LRRC4C: variants seen among roughly 807,000 people sequenced by gnomAD.
LRRC4C encodes the protein leucine-rich repeat-containing protein 4C.
LRRC4C carries 5 observed loss-of-function variants against 33.6 expected under a neutral mutation model. That is an observed-to-expected ratio of 0.15 (90% CI 0.08 to 0.31). LRRC4C has a LOEUF of 0.31. Ranked by LOEUF, LRRC4C falls within the 10% of genes least tolerant of loss-of-function variation. The pLI, the probability that LRRC4C is intolerant of heterozygous loss-of-function variation, is 1.00. For synonymous variants in LRRC4C, 329 were observed against 302.0 expected, an observed-to-expected ratio of 1.09 and a Z score of -0.93; for missense variants, 560 against 796.7, an observed-to-expected ratio of 0.70 and a Z score of 3.58.
chr11:40,491,319 T>C (rs1369681689), intron 3 of LRRC4C, among the ~76,000 whole-genome samples: 2 of 152,108 alleles, frequency 1.3e-5, no homozygotes, highest in African/African-American at 2.4e-5. Flanking sequence ...AGAAGCCATG[T>C]TGATTAGCTT....
At position 40,536,492 on chromosome 11, in the gene LRRC4C, CCAAA is replaced by C. The variant is rs200893604; in HGVS notation, c.-270+111646_-270+111649del. Among the ~76,000 whole-genome samples the C allele has an allele frequency of 9.8e-3, 1,485 of 152,182 alleles. 17 individuals are homozygous for C. The highest frequency in any genetic ancestry group is 0.03 in the African/African-American group (1,256 of 41,548). On this transcript the variant is annotated intron_variant, in intron 3 of 6. Coordinates refer to ENST00000528697, the MANE Select transcript of LRRC4C (RefSeq NM_001258419.2). ...CAGGCGTGAGCCACCGTGCCCGGCC[CCAAA>C]CAGTCTGTTTTAACAAGTCTTTTAG...
rs565138382 is a variant in LRRC4C at position 40,290,329 on chromosome 11, T to C, written c.-176+29299A>G. Among the ~76,000 whole-genome samples, 5 of 152,264 alleles carry C rather than the reference T, an allele frequency of 3.3e-5. No homozygotes were observed. The East Asian group carries it at 5.8e-4, about 18-fold the overall frequency. On this transcript the variant is annotated intron_variant, in intron 4 of 6. Transcript: ENST00000528697. Reference sequence around the variant, plus strand: ...AAAAGTGCAGAGAACTATGAAAATATATGCACAAGCCTATGGGGATTTCAG... The same window carrying C: ...AAAAGTGCAGAGAACTATGAAAATACATGCACAAGCCTATGGGGATTTCAG...
intron 1 of LRRC4C, among the ~76,000 whole-genome samples, chr11:41,252,979 T>G (rs975729925): frequency 6.6e-6 from 1 of 152,142 alleles, no homozygotes; most frequent in Admixed American, 6.5e-5. Context: ...CAATTCAAGA[T>G]GAGACTTGGA....
At chr11:40,387,176 A>G (rs1228012495) in intron 3 of LRRC4C, among the ~76,000 whole-genome samples, 1 of 152,106 alleles carries the variant, frequency 6.6e-6, no homozygotes, top group Non-Finnish European at 1.5e-5. Context: ...CCTCATATTT[A>G]TTTTCATATC....
chr11:41,299,625 T>C (rs1046874427), intron 1 of LRRC4C, among the ~76,000 whole-genome samples: 3 of 152,160 alleles, frequency 2.0e-5, no homozygotes, highest in African/African-American at 7.2e-5. Flanking sequence ...AGTGAATTTA[T>C]GATCCATCAT....
At chr11:41,455,888 G>A (rs963123290) in intron 1 of LRRC4C, among the ~76,000 whole-genome samples, 1 of 151,976 alleles carries the variant, frequency 6.6e-6, no homozygotes, top group Non-Finnish European at 1.5e-5. Flanking sequence ...CAATCCAGAG[G>A]GTTTTTTTCT....
intron 5 of LRRC4C, among the ~76,000 whole-genome samples, chr11:40,232,614 A>G (rs1355036911): frequency 2.0e-5 from 3 of 152,200 alleles, no homozygotes; most frequent in East Asian, 1.9e-4. Flanking sequence ...TGTTCTTCTC[A>G]TTGTTTTGGA....
chr11:40,198,116 G>A (rs528743980), intron 5 of LRRC4C, among the ~76,000 whole-genome samples: 7 of 152,236 alleles, frequency 4.6e-5, no homozygotes, highest in East Asian at 1.9e-4. Flanking sequence ...TTTAGAGCAG[G>A]CATCATTGAT....
At chr11:40,217,325 G>A (rs1161236172) in intron 5 of LRRC4C, among the ~76,000 whole-genome samples, 1 of 151,996 alleles carries the variant, frequency 6.6e-6, no homozygotes, top group Admixed American at 6.6e-5. Context: ...ATAAACTTTA[G>A]TAAGAAATAG....
At chr11:40,383,905 C>G (rs566110035) in intron 3 of LRRC4C, among the ~76,000 whole-genome samples, 1 of 113,678 alleles carries the variant, frequency 8.8e-6, no homozygotes. Context: ...GGCTCCCTTG[C>G]TTATTTTTAA....
chr11:41,065,027 C>A (rs538450685), intron 1 of LRRC4C, among the ~76,000 whole-genome samples: 2 of 152,080 alleles, frequency 1.3e-5, no homozygotes, highest in Non-Finnish European at 2.9e-5. Flanking sequence ...CACACTACAG[C>A]GGCGCCTGGT....
chr11:40,114,615 G>A lies in LRRC4C; in HGVS notation c.1678C>T (p.His560Tyr). 6.2e-7 allele frequency: 1 copy of A among 1,614,164 alleles called. No individual in the cohort carries two copies. ...ATTTCAACAGTCCTTGTTGGGGCGT[G>A]ATGGTTTTGCCGATGGTGCTGCTTC... ...MRKQHHRQNH[H>Y]APTRTVEIIN... The change falls in exon 7 of 7, where the codon CAC (histidine) becomes TAC (tyrosine). Residue 560 changes from histidine (H) to tyrosine (Y), a missense_variant. Physicochemically the swap from His to Tyr is moderately conservative, Grantham distance 83. Coordinates refer to ENST00000528697, the MANE Select transcript of LRRC4C (RefSeq NM_001258419.2).
At chr11:40,353,575 C>T (rs761494630) in intron 3 of LRRC4C, among the ~76,000 whole-genome samples, 1 of 152,010 alleles carries the variant, frequency 6.6e-6, no homozygotes, top group Non-Finnish European at 1.5e-5. Context: ...TTAACCAGGC[C>T]TAGTGTCACG....
chr11:40,988,649 C>T (rs1455661308), intron 1 of LRRC4C, among the ~76,000 whole-genome samples: 5 of 151,584 alleles, frequency 3.3e-5, no homozygotes, highest in African/African-American at 1.2e-4. Context: ...GTAATGCCTA[C>T]TCAGGATTCA....
intron 3 of LRRC4C, among the ~76,000 whole-genome samples, chr11:40,324,457 T>C (rs1293991150): frequency 6.6e-6 from 1 of 152,158 alleles, no homozygotes. Flanking sequence ...CTCATGGCGT[T>C]CCTTTTGACG....
chr11:41,457,590 G>T (rs1439781268), intron 1 of LRRC4C, among the ~76,000 whole-genome samples: 2 of 151,926 alleles, frequency 1.3e-5, no homozygotes, highest in South Asian at 4.2e-4. Flanking sequence ...TTTGTTTAGG[G>T]TTTCTCCTAG....
intron 1 of LRRC4C, among the ~76,000 whole-genome samples, chr11:41,025,652 T>A (rs1473998498): frequency 6.6e-6 from 1 of 151,840 alleles, no homozygotes; most frequent in Admixed American, 6.6e-5. Context: ...TGATGGCTGA[T>A]GTAGAAGCTA....
chr11:40,808,391 T>C (rs1951341603), intron 2 of LRRC4C, among the ~76,000 whole-genome samples: 1 of 152,192 alleles, frequency 6.6e-6, no homozygotes, highest in Non-Finnish European at 1.5e-5. Flanking sequence ...GTGTCTAACC[T>C]TCCTATACCT....
intron 1 of LRRC4C, among the ~76,000 whole-genome samples, chr11:41,185,994 CAGAT>C (rs1444915020): frequency 1.3e-5 from 2 of 151,806 alleles, no homozygotes; most frequent in African/African-American, 4.8e-5. Flanking sequence ...GAGTATAAAA[CAGAT>C]AAGCCGTACA....
Sources: allele counts gnomAD v4.1 joint callset (sites outside exome capture counted in the v4.1 genomes callset), GRCh38; gene constraint gnomAD v4.1.1; transcripts MANE v1.5; gene names NCBI Gene and HGNC (gene_info 2026-07-23, HGNC 2026-07-21).